Variants in FMNL2 observed in about 807,000 individuals in gnomAD.
FMNL2 encodes the protein formin-like protein 2.
FMNL2 carries 51 observed loss-of-function variants against 130.2 expected under a neutral mutation model. The ratio of observed to expected loss-of-function variants is 0.39; its 90% confidence interval spans 0.31 to 0.49. The LOEUF (loss-of-function observed/expected upper bound fraction) is 0.49. Among genes scored for constraint, FMNL2 ranks in the 20% least tolerant of loss-of-function variants. The probability of loss-of-function intolerance (pLI) is 0.85; values close to 1 mark genes in which losing one functional copy is unlikely to be tolerated. For synonymous variants in FMNL2, 465 were observed against 467.1 expected (o/e 1.00, Z 0.06); for missense variants, 977 against 1,316.2 (o/e 0.74, Z 3.99).
chr2:152,615,018 A>G lies in FMNL2; in HGVS notation c.1212+18A>G. 5 of 1,604,112 alleles carry G rather than the reference A, an allele frequency of 3.1e-6. No individual in the cohort carries two copies. The East Asian group carries it at 1.1e-4, about 36-fold the overall frequency. Reference sequence around the variant, plus strand: ...TTTCTCATGTAACTATATCTCAGAAAAGGAAAAATTGCTTACATTTCAGCT... The same window carrying G: ...TTTCTCATGTAACTATATCTCAGAAGAGGAAAAATTGCTTACATTTCAGCT... On this transcript the variant is annotated intron_variant, in intron 12 of 25. Transcript: ENST00000288670.
intron 1 of FMNL2, among the ~76,000 whole-genome samples, chr2:152,438,912 C>G (rs906517054): frequency 1.3e-5 from 2 of 151,874 alleles, no homozygotes; most frequent in Non-Finnish European, 2.9e-5. Flanking sequence ...CATCAGTTGC[C>G]GGCACTTATG....
chr2:152,558,670 A>G, intron 4 of FMNL2, 70 bp from the exon 5 acceptor site: 2 of 1,412,312 alleles, frequency 1.4e-6, no homozygotes, highest in Non-Finnish European at 9.8e-7. Flanking sequence ...AAAACTTTGC[A>G]TTGTGTCCGT....
At chr2:152,553,539 CAT>C (rs1695046394) in intron 4 of FMNL2, among the ~76,000 whole-genome samples, 1 of 144,902 alleles carries the variant, frequency 6.9e-6, no homozygotes, top group African/African-American at 2.6e-5. Flanking sequence ...GCAATTCTCA[CAT>C]TTTTTTTTTT....
At chr2:152,373,788 A>T (rs1324998261) in intron 1 of FMNL2, among the ~76,000 whole-genome samples, 8 of 152,110 alleles carry the variant, frequency 5.3e-5, no homozygotes, top group African/African-American at 1.9e-4. Context: ...TGGATACAGA[A>T]GGCTGACTGT....
intron 10 of FMNL2, among the ~76,000 whole-genome samples, chr2:152,610,844 T>C (rs1392709947): frequency 6.6e-6 from 1 of 152,224 alleles, no homozygotes; most frequent in African/African-American, 2.4e-5. Flanking sequence ...GCTGTGTTTA[T>C]CATTTTGAGT....
chr2:152,492,178 A>T (rs1691250561), intron 1 of FMNL2, among the ~76,000 whole-genome samples: 1 of 152,180 alleles, frequency 6.6e-6, no homozygotes, highest in Non-Finnish European at 1.5e-5. Context: ...CGGTCATGGT[A>T]TAATGACATC....
chr2:152,512,594 C>A (rs1219415857), intron 1 of FMNL2, among the ~76,000 whole-genome samples: 1 of 152,130 alleles, frequency 6.6e-6, no homozygotes, highest in Admixed American at 6.5e-5. Flanking sequence ...ACATAGTGAG[C>A]TCCTTTTTTA....
In FMNL2 at chr2:152,398,125, G is replaced by A. The variant is rs572860982; in HGVS notation, c.117+62405G>A. Reference sequence around the variant, plus strand: ...GGGCAACAGAGTGAGACTCCATCTCGAAAAAAAATAAATAAAATAAAAGCC... The same window carrying A: ...GGGCAACAGAGTGAGACTCCATCTCAAAAAAAAATAAATAAAATAAAAGCC... On this transcript the variant is annotated intron_variant, in intron 1 of 25. Transcript: ENST00000288670. 1.5e-3 allele frequency among the ~76,000 whole-genome samples: 223 copies of A among 151,708 alleles called. 1 individual carries two copies. The highest frequency in any genetic ancestry group is 5.1e-3 in the African/African-American group (211 of 41,374).
intron 9 of FMNL2, among the ~76,000 whole-genome samples, chr2:152,601,731 G>T (rs1698087737): frequency 7.0e-6 from 1 of 143,010 alleles, no homozygotes; most frequent in African/African-American, 2.7e-5. Flanking sequence ...GTGCAATGGT[G>T]TGACCTTGGC....
intron 13 of FMNL2, 140 bp from the exon 14 acceptor site, chr2:152,618,706 T>G: frequency 1.5e-6 from 1 of 665,462 alleles, no homozygotes. Context: ...TAATGGGACT[T>G]TATAGGTTCT....
At chr2:152,500,340 C>G (rs1691741997) in intron 1 of FMNL2, among the ~76,000 whole-genome samples, 1 of 152,138 alleles carries the variant, frequency 6.6e-6, no homozygotes, top group Non-Finnish European at 1.5e-5. Context: ...TGATCCCAGG[C>G]AAAATTTATT....
At chr2:152,363,112 G>T (rs997493973) in intron 1 of FMNL2, among the ~76,000 whole-genome samples, 3 of 152,204 alleles carry the variant, frequency 2.0e-5, no homozygotes, top group Non-Finnish European at 4.4e-5. Context: ...AAAATTGGTG[G>T]TGATGGTTGC....
intron 1 of FMNL2, among the ~76,000 whole-genome samples, chr2:152,374,339 T>C (rs1183516167): frequency 6.6e-6 from 1 of 152,126 alleles, no homozygotes; most frequent in Non-Finnish European, 1.5e-5. Flanking sequence ...GTCATGGTTA[T>C]TAGGGTTGGG....
intron 2 of FMNL2, among the ~76,000 whole-genome samples, chr2:152,530,636 A>G (rs1310884449): frequency 1.3e-5 from 2 of 152,234 alleles, no homozygotes; most frequent in Non-Finnish European, 2.9e-5. Context: ...AAAAAGATAC[A>G]TACACTTAAA....
At chr2:152,464,871 CA>C (rs1441342702) in intron 1 of FMNL2, among the ~76,000 whole-genome samples, 3 of 151,998 alleles carry the variant, frequency 2.0e-5, no homozygotes, top group African/African-American at 7.3e-5. Context: ...TGGGGGATAC[CA>C]AAAAATTGCC....
At chr2:152,560,253 C>T (rs896512306) in intron 5 of FMNL2, among the ~76,000 whole-genome samples, 2 of 151,062 alleles carry the variant, frequency 1.3e-5, no homozygotes, top group Admixed American at 1.3e-4. Context: ...AAACTTTGTT[C>T]CTAAAACTAT....
chr2:152,371,498 A>G (rs960208728), intron 1 of FMNL2, among the ~76,000 whole-genome samples: 5 of 151,738 alleles, frequency 3.3e-5, no homozygotes, highest in Admixed American at 1.3e-4. Context: ...GTGAATCCCT[A>G]TCTCTACTAA....
intron 2 of FMNL2, among the ~76,000 whole-genome samples, chr2:152,540,386 T>A (rs1312007802): frequency 6.6e-6 from 1 of 152,110 alleles, no homozygotes; most frequent in Non-Finnish European, 1.5e-5. Context: ...TGTTGAATAG[T>A]TGTGATTACT....
intron 1 of FMNL2, among the ~76,000 whole-genome samples, chr2:152,389,239 A>G (rs13418521): frequency 0.25 from 37,841 of 152,046 alleles, 5,647 homozygotes; most frequent in African/African-American, 0.42. Flanking sequence ...CTGGAGACTG[A>G]GAAGTCCAAG....
Sources: allele counts gnomAD v4.1 joint callset (sites outside exome capture counted in the v4.1 genomes callset), GRCh38; gene constraint gnomAD v4.1.1; transcripts MANE v1.5; gene names NCBI Gene and HGNC (gene_info 2026-07-23, HGNC 2026-07-21).